Variants in ANKRD11 observed in about 807,000 individuals in gnomAD.
ANKRD11 encodes the protein ankyrin repeat domain 11.
Under a neutral mutation model 195.7 loss-of-function variants are expected in ANKRD11, and 17 were observed. The ratio of observed to expected loss-of-function variants is 0.09; its 90% CI spans 0.06 to 0.13. The LOEUF (loss-of-function observed/expected upper bound fraction) is 0.13, where lower values mean the gene tolerates loss of function less well. ANKRD11 is among the 10% of genes least tolerant of loss of function. The pLI is 1.00. For synonymous variants in ANKRD11, 1,953 were observed against 1,528.1 expected, an observed-to-expected ratio of 1.28 and a Z score of -6.49; for missense variants, 3,735 against 3,566.1, an observed-to-expected ratio of 1.05 and a Z score of -1.21.
At chr16:89,334,283 TG>T (rs1276139502) in intron 2 of ANKRD11, among the ~76,000 whole-genome samples, 1 of 151,780 alleles carries the variant, frequency 6.6e-6, no homozygotes, top group African/African-American at 2.4e-5. Flanking sequence ...CCCTGCTGAC[TG>T]GGAGTCAACC....
chr16:89,313,203 G>A, intron 3 of ANKRD11: 2 of 1,113,776 alleles, frequency 1.8e-6, no homozygotes, highest in East Asian at 5.9e-5. Flanking sequence ...GAGGCTGCCT[G>A]TGCTCTGAGT....
intron 1 of ANKRD11, among the ~76,000 whole-genome samples, chr16:89,485,042 G>T (rs937832256): frequency 1.3e-5 from 2 of 150,934 alleles, no homozygotes; most frequent in African/African-American, 4.9e-5. Context: ...AAGCGGGTGT[G>T]GGGAAGCCCA....
chr16:89,336,920 A>G (rs1348101555), intron 2 of ANKRD11, among the ~76,000 whole-genome samples: 3 of 148,978 alleles, frequency 2.0e-5, no homozygotes, highest in African/African-American at 7.4e-5. Flanking sequence ...CTGTAATCCT[A>G]GCACTTTAGG....
At chr16:89,486,356 G>A (rs1161215859) in intron 1 of ANKRD11, among the ~76,000 whole-genome samples, 3 of 151,504 alleles carry the variant, frequency 2.0e-5, no homozygotes, top group South Asian at 2.1e-4. Context: ...TGGGAGGATC[G>A]CTTCAGCTCA....
chr16:89,457,163 T>G (rs905754202), intron 1 of ANKRD11, among the ~76,000 whole-genome samples: 2 of 150,130 alleles, frequency 1.3e-5, no homozygotes, highest in Non-Finnish European at 3.0e-5. Context: ...GTTTCACCGT[T>G]TTAGCCGGGA....
chr16:89,460,416 G>T (rs564343804), intron 1 of ANKRD11, among the ~76,000 whole-genome samples: 1 of 151,952 alleles, frequency 6.6e-6, no homozygotes, highest in South Asian at 2.1e-4. Flanking sequence ...AAAATTAGCC[G>T]GGCGTGGTGC....
At chr16:89,379,228 G>A (rs1002511086) in intron 2 of ANKRD11, among the ~76,000 whole-genome samples, 2 of 152,262 alleles carry the variant, frequency 1.3e-5, no homozygotes, top group Non-Finnish European at 2.9e-5. Context: ...CCGTCTGTAT[G>A]TGCGTCACAG....
At chr16:89,489,771 G>C (rs552532520) in intron 1 of ANKRD11, among the ~76,000 whole-genome samples, 22 of 46,892 alleles carry the variant, frequency 4.7e-4, no homozygotes, top group Non-Finnish European at 7.4e-4. Flanking sequence ...CGGCCGCTCC[G>C]AGCCCCCGAG....
At chr16:89,313,494 C>T in intron 3 of ANKRD11, 4 of 1,289,232 alleles carry the variant, frequency 3.1e-6, no homozygotes, top group African/African-American at 3.0e-5. Flanking sequence ...CACAAGCCGT[C>T]AGGTCAGCGC....
intron 6 of ANKRD11, among the ~76,000 whole-genome samples, chr16:89,289,674 G>C (rs1021923334): frequency 2.0e-5 from 3 of 152,218 alleles, no homozygotes; most frequent in African/African-American, 7.2e-5. Flanking sequence ...AGACACACCA[G>C]GGACAGGTCC....
rs561668093 is a variant in ANKRD11 at position 89,281,305 on chromosome 16, G to T, written c.5237C>A (p.Thr1746Lys). 1.9e-6 allele frequency: 3 copies of T among 1,614,032 alleles called. No individual in the cohort carries two copies. In the Admixed American group the frequency reaches 5.0e-5, roughly 27 times the overall value. ...GCTGGTGGGAGCGGTGGGCACGGGC[G>T]TGGAGTGCTGCGAGTCGGCGCAGTC... The part of the protein sequence containing the change: ...VFDCADSQHS[T>K]PVPTAPTSAC... The change falls in exon 9 of 13, where the codon ACG becomes AAG. Residue 1746 changes from threonine (T) to lysine (K), a missense_variant. Thr to Lys is a moderately conservative substitution (Grantham distance 78). Coordinates refer to ENST00000301030, the MANE Select transcript of ANKRD11 (RefSeq NM_013275.6). The surrounding 1 kb of genome is among the most constrained non-coding windows in gnomAD (Gnocchi z 5.5).
At chr16:89,416,504 G>A (rs990631658) in intron 2 of ANKRD11, among the ~76,000 whole-genome samples, 5 of 152,152 alleles carry the variant, frequency 3.3e-5, no homozygotes, top group African/African-American at 7.2e-5. Context: ...TCACCATGTT[G>A]GCAGGCTGGT....
intron 1 of ANKRD11, among the ~76,000 whole-genome samples, chr16:89,419,888 T>C (rs1597350385): frequency 1.3e-5 from 2 of 151,944 alleles, no homozygotes; most frequent in East Asian, 3.9e-4. Context: ...TAAAAATAAG[T>C]GTGTGATGGG....
chr16:89,471,463 C>T (rs1002612020), intron 1 of ANKRD11, among the ~76,000 whole-genome samples: 1 of 151,916 alleles, frequency 6.6e-6, no homozygotes, highest in African/African-American at 2.4e-5. Flanking sequence ...GAAAAAGCTT[C>T]AGGTAACAAA....
intron 1 of ANKRD11, among the ~76,000 whole-genome samples, chr16:89,445,438 G>A (rs1275531201): frequency 4.6e-5 from 7 of 152,078 alleles, no homozygotes; most frequent in African/African-American, 1.7e-4. Context: ...CACCTCTCAT[G>A]GACGTCACTA....
At position 89,284,072 on chromosome 16, in the gene ANKRD11, G is replaced by A; in HGVS notation, c.2470C>T (p.Leu824=). ...CTAAATTTGGTGTCTTCATTCTCCA[G>A]AAACTGATTTTTGTTACAATATTCG... The part of the protein sequence containing the change: ...FDEYCNKNQF[L]ENEDTKFSLS... Residue 824 remains leucine (L), a synonymous_variant, in exon 9 of 13, where the codon CTG becomes TTG. Transcript: ENST00000301030. 1 of 1,614,074 alleles carries A rather than the reference G, an allele frequency of 6.2e-7. No homozygotes were observed. The highest frequency in any genetic ancestry group is 8.5e-7 in the Non-Finnish European group (1 of 1,179,980).
intron 4 of ANKRD11, chr16:89,300,997 C>T (rs2151850967): frequency 3.1e-6 from 2 of 640,548 alleles, no homozygotes; most frequent in Non-Finnish European, 5.7e-6. Flanking sequence ...GGGTCACAGA[C>T]GAAGGCGCAG....
intron 2 of ANKRD11, among the ~76,000 whole-genome samples, chr16:89,405,171 G>A (rs1381801287): frequency 1.3e-5 from 2 of 151,960 alleles, no homozygotes; most frequent in African/African-American, 2.4e-5. Flanking sequence ...TCCAGCCTGG[G>A]CGACAGAGCA....
intron 2 of ANKRD11, chr16:89,392,546 G>C (rs1333453010): frequency 2.0e-5 from 3 of 152,040 alleles, no homozygotes; most frequent in Admixed American, 6.5e-5. Context: ...GCCACGCTGA[G>C]ATGCTCCAGG....
Sources: gnomAD v4.1 joint callset for allele counts (sites outside exome capture counted in the v4.1 genomes callset) on GRCh38, gnomAD v4.1.1 for gene constraint, Gnocchi (gnomAD v3.1) non-coding constraint, MANE v1.5 for transcripts, NCBI Gene and HGNC (gene_info 2026-07-23, HGNC 2026-07-21) for gene names.